DLG2: variants seen among roughly 807,000 people sequenced by gnomAD.
DLG2 encodes discs large MAGUK scaffold protein 2.
A neutral mutation model predicts 132.5 loss-of-function variants in DLG2; 45 were observed. The ratio of observed to expected loss-of-function variants is 0.34; its 90% CI spans 0.27 to 0.44. The LOEUF is 0.44. Ranked by LOEUF, DLG2 falls within the 20% of genes least tolerant of loss-of-function variation. The probability of loss-of-function intolerance (pLI) is 1.00; values close to 1 mark genes in which losing one functional copy is unlikely to be tolerated. For synonymous variants in DLG2, 424 were observed against 419.6 expected, an observed-to-expected ratio of 1.01 and a Z score of -0.13; for missense variants, 1,045 against 1,196.9, an observed-to-expected ratio of 0.87 and a Z score of 1.87.
intron 7 of DLG2, among the ~76,000 whole-genome samples, chr11:84,390,899 G>A (rs564735473): frequency 1.3e-5 from 2 of 152,294 alleles, no homozygotes; most frequent in East Asian, 3.9e-4. Context: ...CCTTCCTCTT[G>A]TAATGATACC....
intron 8 of DLG2, among the ~76,000 whole-genome samples, chr11:84,235,654 A>T (rs2097149022): frequency 6.6e-6 from 1 of 152,162 alleles, no homozygotes; most frequent in African/African-American, 2.4e-5. Flanking sequence ...TAGCACTTCA[A>T]CCTTTTATTA....
intron 5 of DLG2, among the ~76,000 whole-genome samples, chr11:85,140,793 T>C (rs1238018429): frequency 6.6e-6 from 1 of 151,956 alleles, no homozygotes; most frequent in Non-Finnish European, 1.5e-5. Context: ...TGAGTTCAAC[T>C]GTTTTAATGT....
Position 85,544,858 on chromosome 11 carries a change from G to T in DLG2, c.40+53799C>A, listed in dbSNP as rs187982771. Among the ~76,000 whole-genome samples, 108 of 152,314 alleles carry T rather than the reference G, an allele frequency of 7.1e-4. 1 individual carries two copies. Among genetic ancestry groups the T allele is most frequent in the Admixed American group, 2.3e-3 (35 of 15,296 alleles). On this transcript the variant is annotated intron_variant, in intron 3 of 27. Coordinates refer to ENST00000376104, the MANE Select transcript of DLG2 (RefSeq NM_001142699.3). ...GATTTTGTATCAATCAAACTTTGCT[G>T]AAGTTGGTTATCAGCTTAAGGAGAC...
chr11:83,489,151 A>G (rs1424214931), intron 21 of DLG2, among the ~76,000 whole-genome samples: 3 of 151,988 alleles, frequency 2.0e-5, no homozygotes, highest in Non-Finnish European at 4.4e-5. Context: ...AAATATTACA[A>G]GGTAGTCTTG....
At chr11:84,729,563 G>A (rs2062904824) in intron 6 of DLG2, among the ~76,000 whole-genome samples, 1 of 152,072 alleles carries the variant, frequency 6.6e-6, no homozygotes. Context: ...TGTTGAATTG[G>A]AGTGGAGAGT....
At chr11:84,240,365 T>C (rs927322851) in intron 8 of DLG2, among the ~76,000 whole-genome samples, 2 of 152,274 alleles carry the variant, frequency 1.3e-5, no homozygotes, top group Non-Finnish European at 2.9e-5. Context: ...TTTTGGTCTC[T>C]GTTATATGTA....
At chr11:85,501,923 T>A (rs137952170) in intron 3 of DLG2, among the ~76,000 whole-genome samples, 3,501 of 152,286 alleles carry the variant, frequency 0.023, 126 homozygotes, top group African/African-American at 0.079. Flanking sequence ...ACCAGGCATA[T>A]ACCCAAAGGA....
chr11:84,767,702 G>C lies in DLG2; in HGVS notation c.358-232971C>G, dbSNP rs147477366. ...TGTAGTGGATAAAACACTCACAAGAGGTCCCCTATGCAGAAGGCTGAATGT... is the reference window on the plus strand; with the variant it reads ...TGTAGTGGATAAAACACTCACAAGACGTCCCCTATGCAGAAGGCTGAATGT... On this transcript the variant is annotated intron_variant, in intron 6 of 27. Coordinates refer to ENST00000376104, the MANE Select transcript of DLG2 (RefSeq NM_001142699.3). Among the ~76,000 whole-genome samples, 504 of 151,984 alleles carry C rather than the reference G, an allele frequency of 3.3e-3. 3 individuals carry two copies. Among genetic ancestry groups the C allele is most frequent in the Non-Finnish European group, 5.7e-3 (385 of 67,908 alleles).
intron 10 of DLG2, among the ~76,000 whole-genome samples, chr11:84,076,726 A>G (rs1397820659): frequency 6.6e-6 from 1 of 152,186 alleles, no homozygotes; most frequent in Non-Finnish European, 1.5e-5. Flanking sequence ...GATGGAAGTC[A>G]CTATGATCTC....
intron 6 of DLG2, among the ~76,000 whole-genome samples, chr11:84,868,303 G>A (rs1232647604): frequency 6.6e-6 from 1 of 151,730 alleles, no homozygotes; most frequent in Non-Finnish European, 1.5e-5. Context: ...GGCTTGCCAA[G>A]AAATTTGCAG....
chr11:85,446,225 A>T (rs1201224540), intron 3 of DLG2, among the ~76,000 whole-genome samples: 1 of 152,230 alleles, frequency 6.6e-6, no homozygotes, highest in Non-Finnish European at 1.5e-5. Flanking sequence ...TAGGGATTTT[A>T]AGTCTGATAG....
At chr11:85,242,683 A>G (rs1271313064) in intron 4 of DLG2, among the ~76,000 whole-genome samples, 1 of 151,674 alleles carries the variant, frequency 6.6e-6, no homozygotes, top group Non-Finnish European at 1.5e-5. Flanking sequence ...TATATTTATT[A>G]TACCAAATAA....
intron 6 of DLG2, among the ~76,000 whole-genome samples, chr11:84,793,609 A>G (rs2074173175): frequency 6.6e-6 from 1 of 152,170 alleles, no homozygotes; most frequent in South Asian, 2.1e-4. Context: ...TATATTCACA[A>G]TTGTCATATC....
rs569131139 is a variant in DLG2, at chr11:84,464,629, T to C, written c.519+69941A>G. Among the ~76,000 whole-genome samples, 275 of 151,238 alleles carry C rather than the reference T, an allele frequency of 1.8e-3. 1 individual carries two copies. Among genetic ancestry groups the C allele is most frequent in the Non-Finnish European group, 3.0e-3 (200 of 67,404 alleles). Reference sequence around the variant, plus strand: ...TTATGAGTTTGCCTGCATCAAGAGGTGAAATGTACTGATCATAGTTCTTAG... The same window carrying C: ...TTATGAGTTTGCCTGCATCAAGAGGCGAAATGTACTGATCATAGTTCTTAG... On this transcript the variant is annotated intron_variant, in intron 7 of 27. Coordinates refer to ENST00000376104, the MANE Select transcript of DLG2 (RefSeq NM_001142699.3).
intron 6 of DLG2, among the ~76,000 whole-genome samples, chr11:84,603,200 G>A (rs909262045): frequency 2.0e-5 from 3 of 151,878 alleles, no homozygotes; most frequent in South Asian, 4.1e-4. Context: ...TCCTGAACTC[G>A]TTTATGTAAC....
At chr11:84,454,389 G>A (rs192924625) in intron 7 of DLG2, among the ~76,000 whole-genome samples, 175 of 151,506 alleles carry the variant, frequency 1.2e-3, no homozygotes, top group African/African-American at 4.1e-3. Flanking sequence ...TAGAACAATC[G>A]CTTTGGGAAT....
At position 84,313,583 on chromosome 11, in the gene DLG2, A is replaced by G. The variant is rs1170377263; in HGVS notation, c.520-62292T>C. On this transcript the variant is annotated intron_variant, in intron 7 of 27. Coordinates refer to ENST00000376104, the MANE Select transcript of DLG2 (RefSeq NM_001142699.3). ...GAGGGAGGAGAGAGAGAGAGAGAGA[A>G]AGGAAGGAAGGAAGGAGGGAAGGAA... is the stretch of plus-strand genomic sequence containing the variant. 2.6e-4 allele frequency among the ~76,000 whole-genome samples: 26 copies of G among 101,662 alleles called. 1 individual carries two copies. The highest frequency in any genetic ancestry group is 4.0e-4 in the Non-Finnish European group (17 of 42,434). The allele number at this position is 101,662 out of a possible 152,430, so 66.7% of individuals were successfully genotyped here. A position where few individuals can be genotyped will look rare whatever the true frequency, so the allele number is the denominator to read the frequency against.
chr11:83,877,601 AG>A (rs2065092359), intron 15 of DLG2, among the ~76,000 whole-genome samples: 1 of 152,162 alleles, frequency 6.6e-6, no homozygotes, highest in Admixed American at 6.6e-5. Context: ...TGGTACCCTG[AG>A]GTGCACAGAG....
At chr11:83,953,663 C>T (rs56068946) in intron 14 of DLG2, among the ~76,000 whole-genome samples, 3,839 of 152,258 alleles carry the variant, frequency 0.025, 139 homozygotes, top group African/African-American at 0.072. Context: ...AATTAGGAAT[C>T]AGATATCTTC....
Sources: gnomAD v4.1 joint callset for allele counts (sites outside exome capture counted in the v4.1 genomes callset) on GRCh38, gnomAD v4.1.1 for gene constraint, MANE v1.5 for transcripts, NCBI Gene and HGNC (gene_info 2026-07-23, HGNC 2026-07-21) for gene names.